The following PRR5 variants were observed in gnomAD, a reference collection of about 807,000 sequenced individuals.
PRR5 encodes proline-rich protein 5.
PRR5 carries 25 observed loss-of-function variants against 30.6 expected under a neutral mutation model. The ratio of observed to expected loss-of-function variants is 0.82; its 90% confidence interval spans 0.60 to 1.14. PRR5 has a LOEUF of 1.14. PRR5 is among the 50% of genes most tolerant of loss of function. The probability of loss-of-function intolerance (pLI) is 0.00; values close to 1 mark genes in which losing one functional copy is unlikely to be tolerated. For missense variants in PRR5, 600 were observed against 547.1 expected, an observed-to-expected ratio of 1.10 and a Z score of -0.96; for synonymous variants, 286 against 247.1, an observed-to-expected ratio of 1.16 and a Z score of -1.48.
intron 7 of PRR5, 148 bp downstream of exon 7, chr22:44,735,310 T>C: frequency 8.1e-7 from 1 of 1,238,416 alleles, no homozygotes; most frequent in Non-Finnish European, 1.1e-6. Context: ...CAGCCTGCCA[T>C]ATGCTGGCCT....
chr22:44,689,119 G>A (rs1455750259), intron 1 of PRR5, among the ~76,000 whole-genome samples: 1 of 152,080 alleles, frequency 6.6e-6, no homozygotes, highest in East Asian at 1.9e-4. Flanking sequence ...CAGGCAGGGA[G>A]GGAATTTTTA....
At chr22:44,710,181 C>T (rs554346375) in intron 1 of PRR5, among the ~76,000 whole-genome samples, 9 of 152,272 alleles carry the variant, frequency 5.9e-5, no homozygotes, top group Non-Finnish European at 1.2e-4. Context: ...GCCCCTAGGG[C>T]CTCAGCCCTT....
In PRR5 at chr22:44,721,446, A is replaced by G. The variant is rs78208810; in HGVS notation, c.216-3798A>G. Among the ~76,000 whole-genome samples, 587 of 152,330 alleles carry G rather than the reference A, an allele frequency of 3.9e-3. 5 individuals carry two copies. Among genetic ancestry groups the G allele is most frequent in the Middle Eastern group, 0.014 (4 of 294 alleles). On this transcript the variant is annotated intron_variant, in intron 2 of 7. Transcript: ENST00000336985. Reference sequence around the variant, plus strand: ...TCCGATTGGTTGTGGAAAGTGACCCATCAGAAGCTGAAGTTACAAAGTTAT... The same window carrying G: ...TCCGATTGGTTGTGGAAAGTGACCCGTCAGAAGCTGAAGTTACAAAGTTAT...
rs562745197 is a variant in PRR5, at chr22:44,704,814, G to T, written c.134+2206G>T. Among the ~76,000 whole-genome samples the T allele has an allele frequency of 6.2e-4, 95 of 152,156 alleles. 1 individual carries two copies. The highest frequency in any genetic ancestry group is 1.2e-3 in the Non-Finnish European group (83 of 67,996). On this transcript the variant is annotated intron_variant, in intron 1 of 7. Transcript: ENST00000336985. The stretch of plus-strand genomic sequence containing the variant: ...AGGATGCAGCAGAGCCTGCGCCCCA[G>T]CTCTCCTCCCCAGCAGATGTGGGAG...
chr22:44,727,800 C>A (rs115528619), intron 4 of PRR5, among the ~76,000 whole-genome samples: 280 of 152,320 alleles, frequency 1.8e-3, no homozygotes, highest in African/African-American at 6.3e-3. Flanking sequence ...TCCTTCCTCA[C>A]GTCCACTGAA....
chr22:44,721,008 G>A (rs571697498), intron 2 of PRR5, among the ~76,000 whole-genome samples: 2 of 152,216 alleles, frequency 1.3e-5, no homozygotes, highest in South Asian at 2.1e-4. Flanking sequence ...TTATTCCTTC[G>A]TCAGCATTCA....
upstream of PRR5, among the ~76,000 whole-genome samples, chr22:44,676,284 G>A (rs145654015): frequency 0.022 from 3,381 of 150,764 alleles, 134 homozygotes; most frequent in African/African-American, 0.077. Context: ...TTAGCTACTC[G>A]GGAGGCTGAG....
At chr22:44,669,470 G>A (rs1464070277) in intron 1 of PRR5, among the ~76,000 whole-genome samples, 1 of 152,212 alleles carries the variant, frequency 6.6e-6, no homozygotes, top group Non-Finnish European at 1.5e-5. Context: ...TTAGTGGTCT[G>A]TAAGGTCAGA....
chr22:44,712,133 C>G (rs1437761845), intron 1 of PRR5, among the ~76,000 whole-genome samples: 1 of 152,146 alleles, frequency 6.6e-6, no homozygotes, highest in Non-Finnish European at 1.5e-5. Context: ...CCTTCAAACT[C>G]TCTAGGGGTG....
upstream of PRR5, chr22:44,702,186 G>A (rs925056619): frequency 2.9e-3 from 2,772 of 960,626 alleles, 17 homozygotes; most frequent in Non-Finnish European, 2.7e-3. Context: ...CCCTGGGCCC[G>A]CCCCCGGGTC....
upstream of PRR5, among the ~76,000 whole-genome samples, chr22:44,701,343 T>C (rs918229641): frequency 2.0e-5 from 3 of 152,170 alleles, no homozygotes; most frequent in Non-Finnish European, 4.4e-5. Flanking sequence ...AACTCTACCA[T>C]TTGTTGATTG....
intron 6 of PRR5, among the ~76,000 whole-genome samples, chr22:44,733,778 T>C (rs1922673432): frequency 6.6e-6 from 1 of 151,700 alleles, no homozygotes; most frequent in Non-Finnish European, 1.5e-5. Context: ...ACCTGTGGAG[T>C]CCCACCTACT....
At position 44,732,450 on chromosome 22, in the gene PRR5, G is replaced by T. The variant is rs559595817; in HGVS notation, c.555+59G>T. 27 of 1,567,214 alleles carry T rather than the reference G, an allele frequency of 1.7e-5. No homozygotes were observed. The East Asian group carries it at 5.0e-4, about 29-fold the overall frequency. On this transcript the variant is annotated intron_variant, in intron 6 of 7. Transcript: ENST00000336985. Reference sequence around the variant, plus strand: ...ACCGTGGGGCAGTAATTGGGCTCAGGTCCCCACAGGCAGAGCATGAGATGA... The same window carrying T: ...ACCGTGGGGCAGTAATTGGGCTCAGTTCCCCACAGGCAGAGCATGAGATGA...
chr22:44,699,050 C>T (rs1339272291), upstream of PRR5, among the ~76,000 whole-genome samples: 1 of 152,200 alleles, frequency 6.6e-6, no homozygotes, highest in Non-Finnish European at 1.5e-5. Context: ...TTTTACACAT[C>T]TGTGGCTGGG....
chr22:44,736,335 C>T (rs962150933), intron 7 of PRR5, among the ~76,000 whole-genome samples: 6 of 152,248 alleles, frequency 3.9e-5, no homozygotes, highest in Non-Finnish European at 8.8e-5. Flanking sequence ...CATGGCTCGC[C>T]TCTTTGGGCT....
chr22:44,702,187 C>T (rs866392512), upstream of PRR5: 1 of 1,002,416 alleles, frequency 1.0e-6, no homozygotes, highest in Non-Finnish European at 1.2e-6. Context: ...CCTGGGCCCG[C>T]CCCCGGGTCC....
intron 1 of PRR5, among the ~76,000 whole-genome samples, chr22:44,688,804 A>G (rs1324055092): frequency 6.6e-6 from 1 of 152,046 alleles, no homozygotes; most frequent in African/African-American, 2.4e-5. Flanking sequence ...CCTGGCCCAC[A>G]TGGTGAAACC....
chr22:44,693,410 G>A (rs1680554926), intron 1 of PRR5, among the ~76,000 whole-genome samples: 1 of 151,410 alleles, frequency 6.6e-6, no homozygotes, highest in Non-Finnish European at 1.5e-5. Flanking sequence ...AGTGAGTCAT[G>A]ATCACACCAC....
At chr22:44,731,233 T>TTAAAAA in intron 4 of PRR5, 1 of 222,610 alleles carries the variant, frequency 4.5e-6, no homozygotes, top group South Asian at 6.1e-5. Flanking sequence ...TGTACCTGTG[T>TTAAAAA]GGGTCTTACC....
Sources: gnomAD v4.1 joint callset for allele counts (sites outside exome capture counted in the v4.1 genomes callset) on GRCh38, gnomAD v4.1.1 for gene constraint, MANE v1.5 for transcripts, NCBI Gene and HGNC (gene_info 2026-07-23, HGNC 2026-07-21) for gene names.